The following PLXDC2 variants were observed in gnomAD, a reference collection of about 807,000 sequenced individuals.
The protein encoded by PLXDC2 is plexin domain containing 2.
Under a neutral mutation model 68.9 loss-of-function variants are expected in PLXDC2, and 40 were observed. The ratio of observed to expected loss-of-function variants is 0.58; its 90% CI spans 0.45 to 0.76. The LOEUF (loss-of-function observed/expected upper bound fraction) is 0.76. Ranked by LOEUF, PLXDC2 falls within the 30% of genes least tolerant of loss-of-function variation. PLXDC2 has a pLI of 0.00. For missense variants in PLXDC2, 644 were observed against 661.9 expected, an observed-to-expected ratio of 0.97 and a Z score of 0.30; for synonymous variants, 243 against 234.2, an observed-to-expected ratio of 1.04 and a Z score of -0.34.
chr10:20,271,671 C>T (rs758406542), intron 13 of PLXDC2, among the ~76,000 whole-genome samples: 1 of 152,060 alleles, frequency 6.6e-6, no homozygotes, highest in African/African-American at 2.4e-5. Flanking sequence ...AAGGAGAGAA[C>T]AGACAGTAAG....
chr10:20,068,762 CA>C (rs1384933923), intron 4 of PLXDC2, among the ~76,000 whole-genome samples: 1 of 151,574 alleles, frequency 6.6e-6, no homozygotes. Flanking sequence ...TGAGAGTCTT[CA>C]AATAAAGCTG....
intron 4 of PLXDC2, among the ~76,000 whole-genome samples, chr10:20,078,045 G>A (rs955978317): frequency 6.6e-6 from 1 of 151,650 alleles, no homozygotes; most frequent in Admixed American, 6.6e-5. Context: ...TTACTCCAAC[G>A]TATTTTCATA....
intron 9 of PLXDC2, among the ~76,000 whole-genome samples, chr10:20,193,907 GAAAAAGC>G (rs149976748): frequency 0.025 from 3,740 of 152,008 alleles, 61 homozygotes; most frequent in Non-Finnish European, 0.032. Flanking sequence ...ATCTGATGTA[GAAAAAGC>G]AAGGAAATAG....
rs1835581604 is a variant in PLXDC2 at position 20,245,493 on chromosome 10, C to A, written c.1461C>A (p.Ile487=). 6.2e-7 allele frequency: 1 copy of A among 1,611,440 alleles called. No individual in the cohort carries two copies. The highest frequency in any genetic ancestry group is 1.3e-5 in the African/African-American group (1 of 74,828). The part of the protein sequence containing the change: ...MYHHPTSAAS[I]FFIERRPSRW... ...ACCACCCAACATCAGCAGCCAGCAT[C>A]TTCTTTATTGAGGTAAGTGTTGAGT... Residue 487 remains isoleucine, a synonymous_variant, in exon 13 of 14, where the codon ATC becomes ATA. Transcript: ENST00000377252.
At chr10:20,230,092 C>CT (rs1835340914) in intron 12 of PLXDC2, among the ~76,000 whole-genome samples, 1 of 152,134 alleles carries the variant, frequency 6.6e-6, no homozygotes, top group African/African-American at 2.4e-5. Flanking sequence ...CAAATACAAA[C>CT]ATACTAGTAA....
intron 2 of PLXDC2, among the ~76,000 whole-genome samples, chr10:20,020,899 T>G (rs11598105): frequency 6.6e-6 from 1 of 152,032 alleles, no homozygotes; most frequent in Non-Finnish European, 1.5e-5. Context: ...AAAGAGGACA[T>G]GCCAGAAATA....
intron 1 of PLXDC2, among the ~76,000 whole-genome samples, chr10:19,986,807 AG>A (rs1834649199): frequency 6.6e-6 from 1 of 152,254 alleles, no homozygotes; most frequent in South Asian, 2.1e-4. Flanking sequence ...GAAATGCGAA[AG>A]AAAATTATCT....
rs939695946 is a variant in PLXDC2, at chr10:20,217,519, C to T, written c.1216C>T (p.Leu406=). ...VGATTTQFRV[L]TTTRRAVTSQ... is the part of the protein sequence containing the mutation. ...AGCGACAACCACCCAGTTCAGGGTC[C>T]TAACTACCACCAGAAGAGCAGTGAC... Residue 406 remains leucine, a synonymous_variant, in exon 11 of 14, where the codon CTA becomes TTA. Coordinates refer to ENST00000377252, the MANE Select transcript of PLXDC2 (RefSeq NM_032812.9). The T allele has an allele frequency of 6.2e-7, 1 of 1,610,320 alleles. No individual in the cohort carries two copies. The highest frequency in any genetic ancestry group is 1.7e-5 in the Admixed American group (1 of 59,730).
rs190420796 is a variant in PLXDC2, at chr10:19,948,874, G to T, written c.113-52901G>T. 1.8e-4 allele frequency among the ~76,000 whole-genome samples: 27 copies of T among 152,034 alleles called. No homozygotes were observed. In the East Asian group the frequency reaches 4.8e-3, roughly 27 times the overall value. On this transcript the variant is annotated intron_variant, in intron 1 of 13. Coordinates refer to ENST00000377252, the MANE Select transcript of PLXDC2 (RefSeq NM_032812.9). ...AATAGACATACATTGGCCGGGCGCG[G>T]TGGCTCACGTCTGTAATCCCAGCAC... is the stretch of plus-strand genomic sequence containing the variant.
chr10:20,137,038 A>G (rs751949916), intron 4 of PLXDC2, among the ~76,000 whole-genome samples: 2 of 152,218 alleles, frequency 1.3e-5, no homozygotes, highest in Admixed American at 6.5e-5. Flanking sequence ...GGTTTTTGTT[A>G]TCTATTATCC....
intron 3 of PLXDC2, among the ~76,000 whole-genome samples, chr10:20,061,666 C>T (rs912052473): frequency 2.0e-5 from 3 of 152,178 alleles, no homozygotes; most frequent in Non-Finnish European, 4.4e-5. Context: ...AGCGTTCACT[C>T]TTGCTAACTA....
chr10:20,078,401 T>C (rs1167249279), intron 4 of PLXDC2, among the ~76,000 whole-genome samples: 1 of 152,006 alleles, frequency 6.6e-6, no homozygotes, highest in Non-Finnish European at 1.5e-5. Flanking sequence ...TAGAATAAAA[T>C]CTAATAACTG....
At chr10:19,914,375 C>A (rs2131376215) in intron 1 of PLXDC2, among the ~76,000 whole-genome samples, 1 of 152,190 alleles carries the variant, frequency 6.6e-6, no homozygotes, top group South Asian at 2.1e-4. Context: ...TATATTCTGT[C>A]TCAGTAGATA....
At chr10:20,136,725 C>G (rs1178266891) in intron 4 of PLXDC2, among the ~76,000 whole-genome samples, 1 of 152,198 alleles carries the variant, frequency 6.6e-6, no homozygotes, top group Non-Finnish European at 1.5e-5. Context: ...CTGAAGACAG[C>G]ATTAAACTAC....
intron 1 of PLXDC2, among the ~76,000 whole-genome samples, chr10:19,876,624 A>AAGAGAG (rs1200115188): frequency 7.2e-6 from 1 of 139,074 alleles, no homozygotes; most frequent in African/African-American, 2.6e-5. Context: ...AAAAAAAAAA[A>AAGAGAG]AGAGAGAGAG....
At chr10:20,010,709 A>G (rs1256425265) in intron 2 of PLXDC2, among the ~76,000 whole-genome samples, 1 of 152,224 alleles carries the variant, frequency 6.6e-6, no homozygotes, top group African/African-American at 2.4e-5. Context: ...TTTCAGAACA[A>G]GAATTATGTT....
intron 9 of PLXDC2, among the ~76,000 whole-genome samples, chr10:20,178,854 A>G (rs1268715473): frequency 6.6e-6 from 1 of 152,080 alleles, no homozygotes; most frequent in Non-Finnish European, 1.5e-5. Flanking sequence ...AATTAATTCC[A>G]AATAATAAAA....
In PLXDC2 at chr10:20,089,271, A is replaced by G. The variant is rs143085743; in HGVS notation, c.541+21032A>G. Among the ~76,000 whole-genome samples, 631 of 152,074 alleles carry G rather than the reference A, an allele frequency of 4.1e-3. 12 individuals are homozygous for G. The highest frequency in any genetic ancestry group is 1.1e-3 in the Non-Finnish European group (77 of 67,986). On this transcript the variant is annotated intron_variant, in intron 4 of 13. Coordinates refer to ENST00000377252, the MANE Select transcript of PLXDC2 (RefSeq NM_032812.9). ...CTTTGCAAGCTCAAACATAAAATCA[A>G]TTTCCAATGTATGAGTCATGAATGT...
intron 1 of PLXDC2, among the ~76,000 whole-genome samples, chr10:19,824,078 A>G (rs913980089): frequency 3.9e-5 from 6 of 152,180 alleles, no homozygotes; most frequent in African/African-American, 1.4e-4. Flanking sequence ...ATTCTGCAAT[A>G]CATTTCACGG....
Sources: allele counts gnomAD v4.1 joint callset (sites outside exome capture counted in the v4.1 genomes callset), GRCh38; gene constraint gnomAD v4.1.1; transcripts MANE v1.5; gene names NCBI Gene and HGNC (gene_info 2026-07-23, HGNC 2026-07-21).